SLC8A1: variants seen among roughly 807,000 people sequenced by gnomAD.
SLC8A1 encodes solute carrier family 8 member A1.
Under a neutral mutation model 68.3 loss-of-function variants are expected in SLC8A1, and 18 were observed. The ratio of observed to expected loss-of-function variants is 0.26; its 90% CI spans 0.18 to 0.39. The LOEUF (loss-of-function observed/expected upper bound fraction) is 0.39, where lower values mean the gene tolerates loss of function less well. Ranked by LOEUF, SLC8A1 falls within the 10% of genes least tolerant of loss-of-function variation. SLC8A1 has a pLI of 1.00. For missense variants in SLC8A1, 985 were observed against 1,156.7 expected (o/e 0.85, Z 2.15); for synonymous variants, 475 against 415.5 (o/e 1.14, Z -1.74).
At chr2:40,244,279 G>C (rs1326615586) in intron 2 of SLC8A1, among the ~76,000 whole-genome samples, 2 of 152,108 alleles carry the variant, frequency 1.3e-5, no homozygotes, top group Non-Finnish European at 2.9e-5. Flanking sequence ...AGACCCACAG[G>C]CTAACAGCCA....
intron 2 of SLC8A1, among the ~76,000 whole-genome samples, chr2:40,201,154 C>A (rs566510786): frequency 6.6e-5 from 10 of 151,784 alleles, no homozygotes; most frequent in African/African-American, 2.4e-4. Context: ...AAATAATGTA[C>A]TTCTCCTTCA....
At chr2:40,136,970 G>C (rs2040617871) in intron 7 of SLC8A1, among the ~76,000 whole-genome samples, 1 of 152,162 alleles carries the variant, frequency 6.6e-6, no homozygotes, top group Admixed American at 6.5e-5. Flanking sequence ...CCGATGGAAA[G>C]CATTTATGGC....
intron 2 of SLC8A1, among the ~76,000 whole-genome samples, chr2:40,258,852 AAAAC>A (rs1460316961): frequency 6.6e-6 from 1 of 152,112 alleles, no homozygotes; most frequent in Non-Finnish European, 1.5e-5. Context: ...AAAAAAACAA[AAAAC>A]AAACAAAAAA....
intron 2 of SLC8A1, among the ~76,000 whole-genome samples, chr2:40,421,502 A>G (rs1405106390): frequency 6.6e-6 from 1 of 152,182 alleles, no homozygotes; most frequent in Non-Finnish European, 1.5e-5. Flanking sequence ...AAAAGCAAAA[A>G]TAAAATCAAA....
At chr2:40,131,524 C>T (rs1031825720) in intron 7 of SLC8A1, among the ~76,000 whole-genome samples, 10 of 152,276 alleles carry the variant, frequency 6.6e-5, no homozygotes, top group East Asian at 1.9e-4. Context: ...TTTTTGTGTT[C>T]GCTCCTGACC....
At chr2:40,139,251 C>G (rs2041112715) in intron 7 of SLC8A1, 150 bp downstream of exon 10, 8 of 852,482 alleles carry the variant, frequency 9.4e-6, no homozygotes, top group Non-Finnish European at 1.4e-5. Flanking sequence ...TGACAATGTT[C>G]CGGCAGTAAC....
chr2:40,248,626 T>A (rs1271489661), intron 2 of SLC8A1, among the ~76,000 whole-genome samples: 2 of 152,206 alleles, frequency 1.3e-5, no homozygotes, highest in East Asian at 3.8e-4. Flanking sequence ...AAGATATCTA[T>A]TGAGGCTTTA....
intron 2 of SLC8A1, among the ~76,000 whole-genome samples, chr2:40,243,075 C>G (rs1420003253): frequency 6.6e-6 from 1 of 152,184 alleles, no homozygotes; most frequent in Non-Finnish European, 1.5e-5. Context: ...AGCAGGAATA[C>G]AGACATTGAA....
chr2:40,338,345 A>G (rs1666670565), intron 2 of SLC8A1, among the ~76,000 whole-genome samples: 1 of 152,194 alleles, frequency 6.6e-6, no homozygotes, highest in South Asian at 2.1e-4. Flanking sequence ...GTGTGTGTAT[A>G]TATGTCTGCA....
intron 1 of SLC8A1, among the ~76,000 whole-genome samples, chr2:40,506,571 G>A (rs996294522): frequency 2.6e-5 from 4 of 151,782 alleles, no homozygotes; most frequent in African/African-American, 9.7e-5. Context: ...AGGTATAATT[G>A]TATAAATTAC....
At chr2:40,384,598 T>C (rs1682974354) in intron 2 of SLC8A1, among the ~76,000 whole-genome samples, 1 of 152,196 alleles carries the variant, frequency 6.6e-6, no homozygotes, top group African/African-American at 2.4e-5. Context: ...TATTGGTTTC[T>C]ACTATGCTCA....
intron 2 of SLC8A1, among the ~76,000 whole-genome samples, chr2:40,360,380 A>C (rs1352745087): frequency 6.6e-6 from 1 of 152,184 alleles, no homozygotes; most frequent in Non-Finnish European, 1.5e-5. Context: ...GCTTTTTAAA[A>C]ATAGAATTAG....
chr2:40,428,373 T>C, intron 2 of SLC8A1, 100 bp downstream of exon 2: 1 of 1,415,806 alleles, frequency 7.1e-7, no homozygotes, highest in Non-Finnish European at 9.2e-7. Flanking sequence ...CCTTGCATGC[T>C]ATTTAATTTA....
chr2:40,427,266 C>G (rs1040548497), intron 2 of SLC8A1, among the ~76,000 whole-genome samples: 1 of 152,006 alleles, frequency 6.6e-6, no homozygotes, highest in African/African-American at 2.4e-5. Flanking sequence ...ATCCCCTCCC[C>G]CTTTTTGGTT....
intron 2 of SLC8A1, among the ~76,000 whole-genome samples, chr2:40,355,984 G>A (rs1352393427): frequency 6.6e-6 from 1 of 152,050 alleles, no homozygotes; most frequent in Non-Finnish European, 1.5e-5. Flanking sequence ...GACATGCCAA[G>A]CACCTACCGA....
intron 2 of SLC8A1, among the ~76,000 whole-genome samples, chr2:40,217,845 A>G (rs566973264): frequency 6.6e-6 from 1 of 152,356 alleles, no homozygotes; most frequent in South Asian, 2.1e-4. Flanking sequence ...CTGCATGGCA[A>G]CAGAACTAGG....
At chr2:40,104,999 T>C (rs757641185) in exon 8 of SLC8A1, 1 of 152,120 alleles carries the variant, frequency 6.6e-6, no homozygotes, top group Non-Finnish European at 1.5e-5. Context: ...ATCAGAATGG[T>C]GTGTGCTTTT....
At chr2:40,240,413 A>G (rs539526229) in intron 2 of SLC8A1, among the ~76,000 whole-genome samples, 3 of 152,244 alleles carry the variant, frequency 2.0e-5, no homozygotes, top group South Asian at 4.2e-4. Context: ...TTGGCACTTG[A>G]ACTGGACCCA....
chr2:40,323,753 C>T (rs1057206266), intron 2 of SLC8A1, among the ~76,000 whole-genome samples: 4 of 151,944 alleles, frequency 2.6e-5, no homozygotes, highest in South Asian at 2.1e-4. Flanking sequence ...TTAACTAGAT[C>T]CTAAATCCAT....
Sources: allele counts gnomAD v4.1 joint callset (sites outside exome capture counted in the v4.1 genomes callset), GRCh38; gene constraint gnomAD v4.1.1; transcripts MANE v1.5; gene names NCBI Gene and HGNC (gene_info 2026-07-23, HGNC 2026-07-21).